The following PAPPA2 variants were observed in gnomAD, a reference collection of about 807,000 sequenced individuals.
PAPPA2 encodes the protein pappalysin 2.
In PAPPA2, 86 loss-of-function variants were observed where a neutral mutation model predicts 176.4. The ratio of observed to expected loss-of-function variants is 0.49; its 90% CI spans 0.41 to 0.58. PAPPA2 has a LOEUF of 0.58. Among genes scored for constraint, PAPPA2 ranks in the 20% least tolerant of loss-of-function variants. The pLI is 0.00. For missense variants in PAPPA2, 2,073 were observed against 2,256.9 expected (o/e 0.92, Z 1.65); for synonymous variants, 809 against 852.2 (o/e 0.95, Z 0.88).
At chr1:176,589,165 A>G (rs753408365) in intron 2 of PAPPA2, among the ~76,000 whole-genome samples, 1 of 152,208 alleles carries the variant, frequency 6.6e-6, no homozygotes, top group Non-Finnish European at 1.5e-5. Context: ...TTGTAACTCT[A>G]TCTATAGTGT....
chr1:176,582,573 AATTTTTGCACC>A (rs1653052062), intron 2 of PAPPA2, among the ~76,000 whole-genome samples: 1 of 152,136 alleles, frequency 6.6e-6, no homozygotes, highest in Non-Finnish European at 1.5e-5. Flanking sequence ...ATGAATAAAT[AATTTTTGCACC>A]ATTTTTGCAT....
chr1:176,575,062 G>T (rs1010075618), intron 2 of PAPPA2, among the ~76,000 whole-genome samples: 8 of 152,158 alleles, frequency 5.3e-5, no homozygotes, highest in Non-Finnish European at 8.8e-5. Context: ...GTGACACCCA[G>T]GCAGTAGGTG....
At chr1:176,510,361 G>A (rs1572983935) in intron 1 of PAPPA2, among the ~76,000 whole-genome samples, 4 of 152,180 alleles carry the variant, frequency 2.6e-5, no homozygotes, top group Admixed American at 2.6e-4. Context: ...TGAAACTAAA[G>A]CAAACAGAAC....
chr1:176,665,357 T>C (rs746178670), intron 3 of PAPPA2, among the ~76,000 whole-genome samples: 23 of 152,150 alleles, frequency 1.5e-4, no homozygotes, highest in Non-Finnish European at 2.5e-4. Context: ...ATCTTGTCTG[T>C]GGACACTCAG....
chr1:176,805,786 C>T (rs1201423493), intron 21 of PAPPA2, among the ~76,000 whole-genome samples: 1 of 151,792 alleles, frequency 6.6e-6, no homozygotes, highest in African/African-American at 2.4e-5. Context: ...AGTTTGAGCC[C>T]AGCCTGAACA....
intron 3 of PAPPA2, among the ~76,000 whole-genome samples, chr1:176,599,054 T>A: frequency 6.6e-6 from 1 of 152,246 alleles, no homozygotes; most frequent in Non-Finnish European, 1.5e-5. Context: ...AAATTTTGGA[T>A]TGAAAAACAG....
chr1:176,766,810 G>A (rs2102907392), intron 15 of PAPPA2, among the ~76,000 whole-genome samples: 1 of 152,136 alleles, frequency 6.6e-6, no homozygotes, highest in Middle Eastern at 3.4e-3. Context: ...CCAGGGAAGA[G>A]ATGATGGTGC....
chr1:176,816,852 C>G (rs1180676535), intron 21 of PAPPA2, among the ~76,000 whole-genome samples: 1 of 151,948 alleles, frequency 6.6e-6, no homozygotes, highest in Non-Finnish European at 1.5e-5. Flanking sequence ...GCTGTTTTTT[C>G]TCTCTGTTGT....
intron 2 of PAPPA2, among the ~76,000 whole-genome samples, chr1:176,574,777 C>T (rs1314866905): frequency 1.4e-4 from 21 of 152,152 alleles, no homozygotes; most frequent in East Asian, 3.9e-4. Context: ...ACCATGTGTA[C>T]GATAGTGGCC....
At chr1:176,679,314 G>A (rs1017857987) in intron 4 of PAPPA2, among the ~76,000 whole-genome samples, 1 of 151,880 alleles carries the variant, frequency 6.6e-6, no homozygotes, top group Non-Finnish European at 1.5e-5. Flanking sequence ...TCTCTAGTTT[G>A]AATGACTAAA....
At chr1:176,790,520 T>A (rs1464780569) in intron 18 of PAPPA2, among the ~76,000 whole-genome samples, 2 of 152,162 alleles carry the variant, frequency 1.3e-5, no homozygotes, top group African/African-American at 4.8e-5. Flanking sequence ...TCAAGCAGAC[T>A]TCCTAGGCAA....
intron 3 of PAPPA2, among the ~76,000 whole-genome samples, chr1:176,659,159 C>A (rs1658196272): frequency 6.6e-6 from 1 of 151,976 alleles, no homozygotes; most frequent in Non-Finnish European, 1.5e-5. Context: ...TGATTGAGGT[C>A]ATGAGGGCTA....
intron 4 of PAPPA2, among the ~76,000 whole-genome samples, chr1:176,672,441 G>A (rs989369072): frequency 6.6e-6 from 1 of 152,126 alleles, no homozygotes; most frequent in African/African-American, 2.4e-5. Context: ...TGCTGTATAT[G>A]TCAAGCACCT....
intron 3 of PAPPA2, among the ~76,000 whole-genome samples, chr1:176,599,447 A>G (rs905545627): frequency 1.3e-5 from 2 of 149,658 alleles, no homozygotes; most frequent in African/African-American, 4.9e-5. Context: ...CTGGGGATGA[A>G]TCTACTGAAC....
chr1:176,791,286 T>A, intron 18 of PAPPA2, 61 bp from the exon 19 acceptor site: 1 of 1,497,394 alleles, frequency 6.7e-7, no homozygotes. Flanking sequence ...CAGACCACTT[T>A]TTTCAACTCT....
intron 1 of PAPPA2, among the ~76,000 whole-genome samples, chr1:176,505,645 A>G (rs1190532175): frequency 6.6e-6 from 1 of 152,058 alleles, no homozygotes; most frequent in Non-Finnish European, 1.5e-5. Flanking sequence ...AAACTATTCT[A>G]AAATTCATAT....
At chr1:176,600,861 G>C (rs1654281379) in intron 3 of PAPPA2, among the ~76,000 whole-genome samples, 1 of 152,084 alleles carries the variant, frequency 6.6e-6, no homozygotes, top group Non-Finnish European at 1.5e-5. Context: ...AGTAGAAAGT[G>C]GGGGACAGAC....
At chr1:176,537,194 A>G (rs1285168631) in intron 1 of PAPPA2, 5 of 152,196 alleles carry the variant, frequency 3.3e-5, no homozygotes, top group Non-Finnish European at 7.3e-5. Context: ...CATGTTGTTG[A>G]AATAATTTTG....
At chr1:176,687,128 A>G (rs890607267) in intron 4 of PAPPA2, among the ~76,000 whole-genome samples, 4 of 152,230 alleles carry the variant, frequency 2.6e-5, no homozygotes, top group African/African-American at 9.6e-5. Flanking sequence ...TACTGAACCC[A>G]TTGCAGTGCC....
Sources: gnomAD v4.1 joint callset for allele counts (sites outside exome capture counted in the v4.1 genomes callset) on GRCh38, gnomAD v4.1.1 for gene constraint, MANE v1.5 for transcripts, NCBI Gene and HGNC (gene_info 2026-07-23, HGNC 2026-07-21) for gene names.